Variants in PCDH15 observed in about 807,000 individuals in gnomAD.
PCDH15 encodes the protein protocadherin related 15, also known as protocadherin-15.
In PCDH15, 129 loss-of-function variants were observed where a neutral mutation model predicts 178.5. The ratio of observed to expected loss-of-function variants is 0.72; its 90% CI spans 0.63 to 0.84. The LOEUF (loss-of-function observed/expected upper bound fraction) is 0.84, where lower values mean the gene tolerates loss of function less well. Among genes scored for constraint, PCDH15 ranks in the 40% least tolerant of loss-of-function variants. The probability of loss-of-function intolerance (pLI) is 0.00; values close to 1 mark genes in which losing one functional copy is unlikely to be tolerated. For missense variants in PCDH15, 2,230 were observed against 2,099.9 expected, an observed-to-expected ratio of 1.06 and a Z score of -1.21; for synonymous variants, 800 against 732.0, an observed-to-expected ratio of 1.09 and a Z score of -1.50.
intron 2 of PCDH15, among the ~76,000 whole-genome samples, chr10:55,564,493 A>T (rs182072701): frequency 6.6e-4 from 100 of 151,868 alleles, no homozygotes; most frequent in East Asian, 3.9e-4. Context: ...ACAAAATGAC[A>T]GTTACAGTTA....
intron 21 of PCDH15, among the ~76,000 whole-genome samples, chr10:53,983,061 C>T (rs1261484238): frequency 6.6e-6 from 1 of 151,832 alleles, no homozygotes; most frequent in African/African-American, 2.4e-5. Context: ...TTTTCAAGAA[C>T]ACAAATATTT....
At position 54,544,727 on chromosome 10, in the gene PCDH15, C is replaced by T. The variant is rs34653782; in HGVS notation, c.92-16850G>A. On this transcript the variant is annotated intron_variant, in intron 2 of 37. Coordinates refer to ENST00000644397, the MANE Select transcript of PCDH15 (RefSeq NM_001384140.1). ...CCACCTTCAGTATTGTTAGTTCTAA[C>T]GGCATACACGCAATGGTTTTCTCTA... Among the ~76,000 whole-genome samples the T allele has an allele frequency of 8.3e-3, 1,270 of 152,160 alleles. 7 individuals carry two copies. Among genetic ancestry groups the T allele is most frequent in the Non-Finnish European group, 0.013 (874 of 67,970 alleles).
At chr10:54,531,173 C>T (rs1390197899) in intron 2 of PCDH15, among the ~76,000 whole-genome samples, 1 of 152,096 alleles carries the variant, frequency 6.6e-6, no homozygotes, top group Non-Finnish European at 1.5e-5. Flanking sequence ...AAATGGACTT[C>T]CTTAATCTAT....
chr10:53,809,102 ACT>A lies in PCDH15; in HGVS notation c.4671+1452_4671+1453del, dbSNP rs1486261751. 2.5e-6 allele frequency: 4 copies of A among 1,612,752 alleles called. No individual in the cohort carries two copies. Among genetic ancestry groups the A allele is most frequent in the Non-Finnish European group, 3.4e-6 (4 of 1,179,682 alleles). ...TTTTTCCTTGCTTTTTCTCCTTCTG[ACT>A]CTGTGGATTCCGATTCTTCTGATTC... is the stretch of plus-strand genomic sequence containing the variant. On this transcript the variant is annotated intron_variant, in intron 37 of 37. Coordinates refer to ENST00000644397, the MANE Select transcript of PCDH15 (RefSeq NM_001384140.1).
At chr10:53,812,686 A>C (rs1191259622) in intron 35 of PCDH15, among the ~76,000 whole-genome samples, 2 of 152,186 alleles carry the variant, frequency 1.3e-5, no homozygotes, top group African/African-American at 4.8e-5. Flanking sequence ...TATCAAATGC[A>C]ATTTCTCTAC....
At chr10:55,290,167 T>C (rs1281813849) in intron 1 of PCDH15, among the ~76,000 whole-genome samples, 1 of 151,944 alleles carries the variant, frequency 6.6e-6, no homozygotes, top group East Asian at 1.9e-4. Context: ...ACATAAATTT[T>C]ATACAAACCG....
chr10:54,291,863 C>G (rs112772639), intron 8 of PCDH15, among the ~76,000 whole-genome samples: 85 of 152,188 alleles, frequency 5.6e-4, no homozygotes, highest in African/African-American at 1.9e-3. Context: ...CAGGGCCAGA[C>G]GGATTCACAG....
At chr10:55,411,083 G>A (rs1465389789) in intron 2 of PCDH15, among the ~76,000 whole-genome samples, 1 of 152,088 alleles carries the variant, frequency 6.6e-6, no homozygotes, top group Admixed American at 6.6e-5. Context: ...AAGAAATGAT[G>A]AAGAAAAACA....
intron 2 of PCDH15, among the ~76,000 whole-genome samples, chr10:55,566,742 T>A (rs140394077): frequency 3.3e-5 from 5 of 151,840 alleles, no homozygotes; most frequent in Admixed American, 6.6e-5. Context: ...AAGACCTGTC[T>A]TATAAAAGCT....
chr10:53,979,082 C>A (rs909120209), intron 21 of PCDH15, among the ~76,000 whole-genome samples: 2 of 152,162 alleles, frequency 1.3e-5, no homozygotes, highest in Admixed American at 1.3e-4. Flanking sequence ...GCCTTTACAG[C>A]AGTGCCACTC....
chr10:54,425,402 G>A (rs551255839), intron 3 of PCDH15, among the ~76,000 whole-genome samples: 1 of 152,186 alleles, frequency 6.6e-6, no homozygotes, highest in South Asian at 2.1e-4. Flanking sequence ...GGACTCTTCT[G>A]AGAGTCCCCA....
intron 2 of PCDH15, among the ~76,000 whole-genome samples, chr10:55,382,099 GGTCACATTTTGA>G (rs1837546340): frequency 6.6e-6 from 1 of 152,062 alleles, no homozygotes; most frequent in South Asian, 2.1e-4. Context: ...AGCCTGTTTG[GGTCACATTTTGA>G]AACACTGGAT....
chr10:54,227,450 G>A (rs895522930), intron 9 of PCDH15, among the ~76,000 whole-genome samples: 20 of 152,174 alleles, frequency 1.3e-4, no homozygotes, highest in Non-Finnish European at 2.4e-4. Flanking sequence ...TCCCAAGGCT[G>A]CACAAGCATG....
intron 2 of PCDH15, among the ~76,000 whole-genome samples, chr10:54,918,295 G>T (rs1564629110): frequency 6.6e-6 from 1 of 151,774 alleles, no homozygotes; most frequent in African/African-American, 2.4e-5. Context: ...TCTTGGATAG[G>T]TTGTATTATA....
chr10:54,609,011 A>C (rs923707073), intron 2 of PCDH15, among the ~76,000 whole-genome samples: 3 of 152,122 alleles, frequency 2.0e-5, no homozygotes, highest in African/African-American at 7.2e-5. Flanking sequence ...ATCACGCACT[A>C]CAAGCGCACG....
chr10:54,428,124 T>C (rs1279722977), intron 3 of PCDH15, among the ~76,000 whole-genome samples: 1 of 152,170 alleles, frequency 6.6e-6, no homozygotes, highest in Non-Finnish European at 1.5e-5. Flanking sequence ...CCCACACTCA[T>C]AGGGGATATC....
At chr10:53,888,702 T>TATATATATATAAA (rs1554845542) in intron 26 of PCDH15, among the ~76,000 whole-genome samples, 3 of 46,202 alleles carry the variant, frequency 6.5e-5, no homozygotes, top group East Asian at 2.1e-3. Context: ...TATATATATA[T>TATATATATATAAA]ATCTCCTGTG....
intron 20 of PCDH15, among the ~76,000 whole-genome samples, chr10:54,010,723 T>A (rs2092552540): frequency 6.6e-6 from 1 of 152,118 alleles, no homozygotes; most frequent in African/African-American, 2.4e-5. Flanking sequence ...TTGGCCACTA[T>A]GCAGGAACTC....
At chr10:53,828,686 C>T (rs1159392190) in intron 30 of PCDH15, 113 bp from the exon 31 acceptor site, 4 of 907,884 alleles carry the variant, frequency 4.4e-6, no homozygotes, top group Non-Finnish European at 3.5e-6. Context: ...ACGTTAAATT[C>T]ATAATGACAG....
Sources: allele counts gnomAD v4.1 joint callset (sites outside exome capture counted in the v4.1 genomes callset), GRCh38; gene constraint gnomAD v4.1.1; transcripts MANE v1.5; gene names NCBI Gene and HGNC (gene_info 2026-07-23, HGNC 2026-07-21).